Variants in GUCY2C observed in about 807,000 individuals in gnomAD.
The protein encoded by GUCY2C is guanylate cyclase 2C.
GUCY2C carries 118 observed loss-of-function variants against 131.1 expected under a neutral mutation model. The observed-to-expected ratio is 0.90, with a 90% CI of 0.78 to 1.05. GUCY2C has a LOEUF of 1.05. GUCY2C is among the 50% of genes least tolerant of loss of function. GUCY2C has a pLI of 0.00. For synonymous variants in GUCY2C, 452 were observed against 457.8 expected (o/e 0.99, Z 0.16); for missense variants, 1,161 against 1,304.4 (o/e 0.89, Z 1.69).
intron 22 of GUCY2C, 113 bp from the exon 23 acceptor site, chr12:14,621,329 G>T: frequency 1.1e-6 from 1 of 881,682 alleles, no homozygotes; most frequent in Non-Finnish European, 1.8e-6. Context: ...CACAGTATGA[G>T]CATAGCCCTT....
Position 14,622,130 on chromosome 12 carries a change from A to G in GUCY2C, c.2476T>C (p.Tyr826His). 6.2e-7 allele frequency: 1 copy of G among 1,607,066 alleles called. No homozygotes were observed. Among genetic ancestry groups the G allele is most frequent in the South Asian group, 1.1e-5 (1 of 89,648 alleles). The change falls in exon 22 of 27, where the codon TAC becomes CAC. Residue 826 changes from tyrosine (Y) to histidine (H), a missense_variant. Tyr to His is a moderately conservative substitution (Grantham distance 83). Coordinates refer to ENST00000261170, the MANE Select transcript of GUCY2C (RefSeq NM_004963.4). The stretch of plus-strand genomic sequence containing the variant: ...GTGAAACCTACAATGTCACTGAAGT[A>G]GATTGTAACTTCCTCATATAGTTCC... ...EPELYEEVTIYFSDIVGFTTI... is the reference protein window; with the variant it reads ...EPELYEEVTIHFSDIVGFTTI...
rs140551603 is a variant in GUCY2C at position 14,613,194 on chromosome 12, G to T, written c.3145C>A (p.Arg1049=). ...GTGCCTTTTTTATAGCTGGCTACCC[G>T]TCTGGGTTTTTGGCTTCTTATCCCT... is the stretch of plus-strand genomic sequence containing the variant. ...AAGIRSQKPR[R]VASYKKGTLE... is the part of the protein sequence containing the mutation. Residue 1049 remains arginine, a synonymous_variant, in exon 27 of 27, where the codon CGG becomes AGG. Coordinates refer to ENST00000261170, the MANE Select transcript of GUCY2C (RefSeq NM_004963.4). This position sits in a 1 kb window ranked among gnomAD's most constrained non-coding sequence, Gnocchi z 4.9. 4 of 1,613,208 alleles carry T rather than the reference G, an allele frequency of 2.5e-6. No homozygotes were observed. The East Asian group carries it at 8.9e-5, about 36-fold the overall frequency.
chr12:14,643,348 T>C (rs182825482), intron 17 of GUCY2C, among the ~76,000 whole-genome samples: 1 of 152,182 alleles, frequency 6.6e-6, no homozygotes, highest in Non-Finnish European at 1.5e-5. Flanking sequence ...GATTTCTCAG[T>C]GTAGCAAGGG....
At chr12:14,646,679 T>A (rs1306004152) in intron 15 of GUCY2C, among the ~76,000 whole-genome samples, 1 of 152,232 alleles carries the variant, frequency 6.6e-6, no homozygotes, top group Non-Finnish European at 1.5e-5. Context: ...ATATGGAAAG[T>A]ATATGTAATA....
At chr12:14,663,188 TGA>T (rs1198590545) in intron 10 of GUCY2C, among the ~76,000 whole-genome samples, 4 of 152,212 alleles carry the variant, frequency 2.6e-5, no homozygotes, top group Admixed American at 6.5e-5. Flanking sequence ...CAGAAGTGAC[TGA>T]GAGAGCAGAG....
At chr12:14,633,964 GA>G (rs1947207503) in intron 19 of GUCY2C, among the ~76,000 whole-genome samples, 1 of 152,100 alleles carries the variant, frequency 6.6e-6, no homozygotes, top group Non-Finnish European at 1.5e-5. Context: ...AAGGCGAAGA[GA>G]AAACAAAAGG....
intron 3 of GUCY2C, among the ~76,000 whole-genome samples, chr12:14,684,490 C>A (rs1948417749): frequency 1.3e-5 from 2 of 151,984 alleles, no homozygotes; most frequent in South Asian, 4.2e-4. Context: ...CCCTTCTGTG[C>A]ACTCTATAGC....
rs1323553908 is a variant in GUCY2C at position 14,696,473 on chromosome 12, C to T, written c.-25G>A. On this transcript the variant is annotated 5_prime_UTR_variant, in exon 1 of 27. Transcript: ENST00000261170. Reference sequence around the variant, plus strand: ...TGACCCCAATCACGTTAGAACCATACTCCTTGTGCCCACTTGCTTTGCTCT... The same window carrying T: ...TGACCCCAATCACGTTAGAACCATATTCCTTGTGCCCACTTGCTTTGCTCT... The T allele has an allele frequency of 6.3e-7, 1 of 1,576,778 alleles. No individual in the cohort carries two copies. Among genetic ancestry groups the T allele is most frequent in the Non-Finnish European group, 8.7e-7 (1 of 1,147,782 alleles).
At chr12:14,621,832 T>G (rs1946902666) in intron 22 of GUCY2C, among the ~76,000 whole-genome samples, 173 bp downstream of exon 22, 1 of 152,230 alleles carries the variant, frequency 6.6e-6, no homozygotes, top group South Asian at 2.1e-4. Context: ...TAATTTTGAC[T>G]TCTCACTCCT....
intron 3 of GUCY2C, 50 bp downstream of exon 3, chr12:14,686,111 T>TTA: frequency 1.8e-6 from 2 of 1,134,172 alleles, no homozygotes; most frequent in Non-Finnish European, 2.7e-6. Flanking sequence ...GATGAGTCCT[T>TTA]TAAGTTGCAA....
At chr12:14,684,764 G>A (rs760576812) in intron 3 of GUCY2C, among the ~76,000 whole-genome samples, 84 of 151,658 alleles carry the variant, frequency 5.5e-4, no homozygotes, top group Non-Finnish European at 6.0e-4. Flanking sequence ...TGACCTCCTC[G>A]GTTCAAGTGA....
chr12:14,695,824 A>T (rs1191203912), intron 1 of GUCY2C, among the ~76,000 whole-genome samples: 1 of 151,928 alleles, frequency 6.6e-6, no homozygotes, highest in South Asian at 2.1e-4. Flanking sequence ...GTTTATTTTT[A>T]TTTATTTTCT....
intron 25 of GUCY2C, among the ~76,000 whole-genome samples, chr12:14,616,330 A>G (rs764806053): frequency 6.6e-6 from 1 of 152,134 alleles, no homozygotes; most frequent in Non-Finnish European, 1.5e-5. Flanking sequence ...GATTCAAATT[A>G]AATAAGTCCT....
intron 1 of GUCY2C, among the ~76,000 whole-genome samples, chr12:14,688,652 T>G (rs893332984): frequency 6.6e-6 from 1 of 152,256 alleles, no homozygotes; most frequent in Non-Finnish European, 1.5e-5. Context: ...TTTGCGCTCA[T>G]GATACAGCAT....
intron 11 of GUCY2C, among the ~76,000 whole-genome samples, chr12:14,656,823 C>T (rs914528720): frequency 6.6e-6 from 1 of 152,124 alleles, no homozygotes; most frequent in Non-Finnish European, 1.5e-5. Flanking sequence ...GCTTTTATAG[C>T]GGTGGCCCTC....
At position 14,669,792 on chromosome 12, in the gene GUCY2C, G is replaced by T. The variant is rs770892423; in HGVS notation, c.1212C>A (p.Thr404=). ...LLTYDTHVNK[T]YPVDMSPTFT... ...ATGTGGGGCTCATATCCACAGGATA[G>T]GTCTTATTTACGTGGGTATCATAGG... The change falls in exon 10 of 27, where the codon ACC becomes ACA. Residue 404 remains threonine (T), a synonymous_variant. Coordinates refer to ENST00000261170, the MANE Select transcript of GUCY2C (RefSeq NM_004963.4). 1 of 1,603,578 alleles carries T rather than the reference G, an allele frequency of 6.2e-7. No homozygotes were observed. The highest frequency in any genetic ancestry group is 8.5e-7 in the Non-Finnish European group (1 of 1,172,182).
intron 25 of GUCY2C, among the ~76,000 whole-genome samples, chr12:14,615,401 A>G (rs1283611205): frequency 6.6e-6 from 1 of 152,030 alleles, no homozygotes; most frequent in Non-Finnish European, 1.5e-5. Flanking sequence ...AAACACATGT[A>G]CATCACAATT....
intron 1 of GUCY2C, among the ~76,000 whole-genome samples, chr12:14,689,191 G>A (rs182171291): frequency 5.3e-5 from 8 of 152,268 alleles, no homozygotes; most frequent in African/African-American, 1.7e-4. Flanking sequence ...AAAAATGGTT[G>A]CATTTAGGAT....
At chr12:14,648,215 C>A (rs868127868) in intron 15 of GUCY2C, among the ~76,000 whole-genome samples, 20 of 151,884 alleles carry the variant, frequency 1.3e-4, no homozygotes, top group Non-Finnish European at 1.6e-4. Flanking sequence ...CCGCCTCTGC[C>A]TCCCAAAGTG....
Sources: allele counts gnomAD v4.1 joint callset (sites outside exome capture counted in the v4.1 genomes callset), GRCh38; gene constraint gnomAD v4.1.1; non-coding constraint Gnocchi (gnomAD v3.1); transcripts MANE v1.5; gene names NCBI Gene and HGNC (gene_info 2026-07-23, HGNC 2026-07-21).